The following RAB3GAP1 variants were observed in gnomAD, a reference collection of about 807,000 sequenced individuals.
RAB3GAP1 encodes the protein rab3 GTPase-activating protein catalytic subunit.
Under a neutral mutation model 130.7 loss-of-function variants are expected in RAB3GAP1, and 86 were observed. That is an observed-to-expected ratio of 0.66 (90% CI 0.55 to 0.79). The LOEUF (loss-of-function observed/expected upper bound fraction) is 0.79, where lower values mean the gene tolerates loss of function less well. RAB3GAP1 is among the 30% of genes least tolerant of loss of function. The pLI, the probability that RAB3GAP1 is intolerant of heterozygous loss-of-function variation, is 0.00. For missense variants in RAB3GAP1, 1,029 were observed against 1,169.4 expected (o/e 0.88, Z 1.75); for synonymous variants, 367 against 401.7 (o/e 0.91, Z 1.03).
intron 6 of RAB3GAP1, among the ~76,000 whole-genome samples, chr2:135,114,823 AT>A (rs1326695798): frequency 6.6e-6 from 1 of 152,234 alleles, no homozygotes; most frequent in Non-Finnish European, 1.5e-5. Flanking sequence ...TTATCTTTAA[AT>A]GATGTGAAAA....
At chr2:135,100,066 A>T (rs1037438535) in intron 5 of RAB3GAP1, among the ~76,000 whole-genome samples, 2 of 152,074 alleles carry the variant, frequency 1.3e-5, no homozygotes, top group African/African-American at 4.8e-5. Context: ...TATTATTATG[A>T]GACTGGGGCA....
chr2:135,056,631 A>G (rs1185774356), intron 2 of RAB3GAP1, among the ~76,000 whole-genome samples: 2 of 152,212 alleles, frequency 1.3e-5, no homozygotes, highest in Non-Finnish European at 2.9e-5. Flanking sequence ...CTTCGTAAAT[A>G]TAGTATACAT....
intron 23 of RAB3GAP1, among the ~76,000 whole-genome samples, chr2:135,164,971 CAGTT>C (rs1346889110): frequency 6.6e-6 from 1 of 152,144 alleles, no homozygotes; most frequent in African/African-American, 2.4e-5. Context: ...GGCAGGGAGT[CAGTT>C]AGCAATGGCC....
Position 135,150,220 on chromosome 2 carries a change from C to G in RAB3GAP1, c.1924-149C>G, listed in dbSNP as rs572379649. 6 of 905,074 alleles carry G rather than the reference C, an allele frequency of 6.6e-6. No individual in the cohort carries two copies. The Admixed American group carries it at 8.0e-5, about 12-fold the overall frequency. The allele number at this position is 905,074 out of a possible 1,614,324, so 56.1% of individuals were successfully genotyped here. Reference sequence around the variant, plus strand: ...TTCTTAATTCTTTTTTATGTAAGTTCTAAAAAACTTATGCATTTCTCTGAA... The same window carrying G: ...TTCTTAATTCTTTTTTATGTAAGTTGTAAAAAACTTATGCATTTCTCTGAA... On this transcript the variant is annotated intron_variant, in intron 17 of 23. Transcript: ENST00000264158.
chr2:135,174,644 C>T (rs1692955477), downstream of RAB3GAP1, among the ~76,000 whole-genome samples: 1 of 152,250 alleles, frequency 6.6e-6, no homozygotes, highest in South Asian at 2.1e-4. Flanking sequence ...TCCTCTTTCT[C>T]AGCCCTATTT....
chr2:135,173,713 G>A (rs1449286782), downstream of RAB3GAP1, among the ~76,000 whole-genome samples: 2 of 152,162 alleles, frequency 1.3e-5, no homozygotes, highest in African/African-American at 2.4e-5. Flanking sequence ...GCATTGGTGG[G>A]CAGGATGTGG....
At chr2:135,140,704 G>T (rs1470651179) in intron 17 of RAB3GAP1, among the ~76,000 whole-genome samples, 1 of 152,262 alleles carries the variant, frequency 6.6e-6, no homozygotes, top group Non-Finnish European at 1.5e-5. Flanking sequence ...GGCTGGTCAA[G>T]TAGGCATCCT....
At chr2:135,106,583 C>G (rs560132331) in intron 5 of RAB3GAP1, among the ~76,000 whole-genome samples, 22 of 151,886 alleles carry the variant, frequency 1.4e-4, no homozygotes, top group African/African-American at 5.1e-4. Context: ...TCACCACTCC[C>G]TAATCTCAAG....
chr2:135,174,007 C>T (rs1456458464), downstream of RAB3GAP1, among the ~76,000 whole-genome samples: 3 of 152,212 alleles, frequency 2.0e-5, no homozygotes, highest in Admixed American at 1.3e-4. Context: ...GGGACTCTGC[C>T]GCTGGCATTT....
rs986321430 is a variant in RAB3GAP1, at chr2:135,162,910, T to C, written c.2490+59T>C. On this transcript the variant is annotated intron_variant, in intron 21 of 23. Transcript: ENST00000264158. ...TGTTCTCCTCAGTTGGCAAAAATAATTTTTAAGATGCGTTTTCAAAGGGCT... is the reference window on the plus strand; with the variant it reads ...TGTTCTCCTCAGTTGGCAAAAATAACTTTTAAGATGCGTTTTCAAAGGGCT... 13 of 1,575,148 alleles carry C rather than the reference T, an allele frequency of 8.3e-6. No individual in the cohort carries two copies. The African/African-American group carries it at 1.3e-4, about 16-fold the overall frequency.
chr2:135,127,624 G>C (rs1237060619), intron 11 of RAB3GAP1, among the ~76,000 whole-genome samples: 1 of 152,088 alleles, frequency 6.6e-6, no homozygotes, highest in Non-Finnish European at 1.5e-5. Context: ...TTACAGACGT[G>C]AGCCGCCGCA....
chr2:135,067,601 G>A (rs1481360042), intron 3 of RAB3GAP1, among the ~76,000 whole-genome samples: 3 of 152,206 alleles, frequency 2.0e-5, no homozygotes, highest in African/African-American at 4.8e-5. Context: ...CATAGGTGAT[G>A]AAGAGTATGC....
At chr2:135,150,783 T>C (rs1348346204) in intron 18 of RAB3GAP1, among the ~76,000 whole-genome samples, 1 of 152,214 alleles carries the variant, frequency 6.6e-6, no homozygotes, top group Non-Finnish European at 1.5e-5. Context: ...TTGTTTGTGT[T>C]CAGCCAATTT....
chr2:135,112,828 TCTCTCTCACACACACACACACA>T (rs1241293824), intron 5 of RAB3GAP1, among the ~76,000 whole-genome samples: 1 of 125,764 alleles, frequency 8.0e-6, no homozygotes, highest in African/African-American at 4.1e-5. Flanking sequence ...TCTCTCTCTC[TCTCTCTCACACACACACACACA>T]CACACACACA....
chr2:135,093,764 C>T, intron 5 of RAB3GAP1, 71 bp downstream of exon 5: 1 of 1,161,272 alleles, frequency 8.6e-7, no homozygotes, highest in South Asian at 1.2e-5. Context: ...TCCCCAAGTT[C>T]AGTGATTTGC....
rs796299757 is a variant in RAB3GAP1 at position 135,117,786 on chromosome 2, G to C, written c.648+2405G>C. Reference sequence around the variant, plus strand: ...TTCTGCTGCTTCTTCTGCTTCTTCTGCTTCTTCTTCTTCTTCTTCTTCTTT... The same window carrying C: ...TTCTGCTGCTTCTTCTGCTTCTTCTCCTTCTTCTTCTTCTTCTTCTTCTTT... On this transcript the variant is annotated intron_variant, in intron 7 of 23. Transcript: ENST00000264158. 4.6e-3 allele frequency among the ~76,000 whole-genome samples: 552 copies of C among 119,300 alleles called. 4 individuals carry two copies. The highest frequency in any genetic ancestry group is 0.018 in the African/African-American group (531 of 29,426). 78.3% of individuals were successfully genotyped at this position (119,300 alleles called of 152,430 possible). A position where few individuals can be genotyped will look rare whatever the true frequency, so the allele number is the denominator to read the frequency against.
At chr2:135,166,074 A>C (rs1341680291) in intron 23 of RAB3GAP1, among the ~76,000 whole-genome samples, 2 of 151,908 alleles carry the variant, frequency 1.3e-5, no homozygotes, top group African/African-American at 4.8e-5. Flanking sequence ...TGGGAGGCTG[A>C]GGCAGGAGAA....
At chr2:135,132,114 TAA>T (rs1048738161) in intron 13 of RAB3GAP1, among the ~76,000 whole-genome samples, 1 of 152,224 alleles carries the variant, frequency 6.6e-6, no homozygotes, top group Non-Finnish European at 1.5e-5. Context: ...ATCTAATTTT[TAA>T]AAGTCTATTG....
intron 17 of RAB3GAP1, among the ~76,000 whole-genome samples, chr2:135,144,972 G>A (rs970320922): frequency 6.6e-6 from 1 of 152,114 alleles, no homozygotes; most frequent in Non-Finnish European, 1.5e-5. Context: ...CTTTCTTTTA[G>A]AAAATGTGCT....
Sources: allele counts gnomAD v4.1 joint callset (sites outside exome capture counted in the v4.1 genomes callset), GRCh38; gene constraint gnomAD v4.1.1; transcripts MANE v1.5; gene names NCBI Gene and HGNC (gene_info 2026-07-23, HGNC 2026-07-21).